Variants in ATN1 observed in about 807,000 individuals in gnomAD.
ATN1 encodes atrophin-1.
Under a neutral mutation model 85.8 loss-of-function variants are expected in ATN1, and 19 were observed. The observed-to-expected ratio is 0.22, with a 90% CI of 0.15 to 0.32. ATN1 has a LOEUF of 0.32. ATN1 is among the 10% of genes least tolerant of loss of function. ATN1 has a pLI of 1.00. For missense variants in ATN1, 1,453 were observed against 1,564.5 expected (o/e 0.93, Z 1.20); for synonymous variants, 674 against 657.0 (o/e 1.03, Z -0.39).
chr12:6,927,526 C>A (rs888813044), upstream of ATN1, among the ~76,000 whole-genome samples: 1 of 151,988 alleles, frequency 6.6e-6, no homozygotes, highest in African/African-American at 2.4e-5. Context: ...GCCCCTCCTA[C>A]CTAGCCCTCT....
chr12:6,936,065 G>A lies in ATN1; in HGVS notation c.798G>A (p.Gly266=). The change falls in exon 5 of 10, where the codon GGG becomes GGA. Residue 266 remains glycine, a synonymous_variant. Transcript: ENST00000396684. ...PTTPISVSSS[G]ASGAPPTKPP... ...CTCCCATTTCAGTATCAAGCTCTGGGGCTAGTGGTGCTCCCCCAACAAAGC... is the reference window on the plus strand; with the variant it reads ...CTCCCATTTCAGTATCAAGCTCTGGAGCTAGTGGTGCTCCCCCAACAAAGC... 6.5e-7 allele frequency: 1 copy of A among 1,545,738 alleles called. No individual in the cohort carries two copies. The highest frequency in any genetic ancestry group is 8.7e-7 in the Non-Finnish European group (1 of 1,147,072).
At chr12:6,930,800 C>CAATAAATA (rs138589375) in intron 1 of ATN1, among the ~76,000 whole-genome samples, 52 of 149,458 alleles carry the variant, frequency 3.5e-4, no homozygotes, top group African/African-American at 1.1e-3. Flanking sequence ...GACTCCGTCT[C>CAATAAATA]AATAAATAAA....
rs376313916 is a variant in ATN1, at chr12:6,940,951, G to T, written c.3286G>T (p.Ala1096Ser). The T allele has an allele frequency of 6.8e-6, 11 of 1,614,064 alleles. No homozygotes were observed. In the African/African-American group the frequency reaches 1.3e-4, roughly 20 times the overall value. Residue 1096 changes from alanine to serine, a missense_variant, in exon 8 of 10, where the codon GCT becomes TCT. Physicochemically the swap from Ala to Ser is moderately conservative, Grantham distance 99. Coordinates refer to ENST00000396684, the MANE Select transcript of ATN1 (RefSeq NM_001940.4). The part of the protein sequence containing the change: ...GSHLTRIPYP[A>S]GTLPNPLLPH... ...TCACCTTACCCGGATCCCCTACCCAGCTGGAACTCTCCCTAACCCCCTGCT... is the reference window on the plus strand; with the variant it reads ...TCACCTTACCCGGATCCCCTACCCATCTGGAACTCTCCCTAACCCCCTGCT...
intron 7 of ATN1, among the ~76,000 whole-genome samples, chr12:6,940,063 C>A (rs1034823063): frequency 6.6e-6 from 1 of 152,250 alleles, no homozygotes; most frequent in Non-Finnish European, 1.5e-5. Context: ...CTTACTGCAA[C>A]CTCCGCCTCT....
Position 6,935,444 on chromosome 12 carries a change from A to T in ATN1, c.280-103A>T. The T allele has an allele frequency of 5.3e-6, 7 of 1,319,724 alleles. No individual in the cohort carries two copies. The South Asian group carries it at 9.9e-5, about 19-fold the overall frequency. 81.8% of individuals were successfully genotyped at this position (1,319,724 alleles called of 1,614,324 possible). A position where few individuals can be genotyped will look rare whatever the true frequency, so the allele number is the denominator to read the frequency against. On this transcript the variant is annotated intron_variant, in intron 4 of 9. Coordinates refer to ENST00000396684, the MANE Select transcript of ATN1 (RefSeq NM_001940.4). This position sits in a 1 kb window ranked among gnomAD's most constrained non-coding sequence, Gnocchi z 5.3. ...GCAAGAGTACTCACCACATCACAGTACAACAGTGTGCTGTGAGGGGAAATG... is the reference window on the plus strand; with the variant it reads ...GCAAGAGTACTCACCACATCACAGTTCAACAGTGTGCTGTGAGGGGAAATG...
intron 7 of ATN1, among the ~76,000 whole-genome samples, chr12:6,939,756 G>A (rs1341558098): frequency 6.6e-6 from 1 of 151,984 alleles, no homozygotes; most frequent in Admixed American, 6.6e-5. Context: ...CACCCACCTC[G>A]GCCTCCCAAA....
In ATN1 at chr12:6,928,244, GGCCGCCGCC is replaced by G. The variant is rs1157552748; in HGVS notation, c.-298_-290del. On this transcript the variant is annotated 5_prime_UTR_variant, in exon 1 of 10. Transcript: ENST00000396684. ...GGGGGCCGCCCTCCGGGGGGGTCGG[GGCCGCCGCC>G]GCCGTCGTCGCGGCGGCGACTGAGG... is the stretch of plus-strand genomic sequence containing the variant. The G allele has an allele frequency of 6.8e-6, 1 of 147,990 alleles. No individual in the cohort carries two copies. The highest frequency in any genetic ancestry group is 1.5e-5 in the Non-Finnish European group (1 of 66,074). 9.2% of individuals were successfully genotyped at this position (147,990 alleles called of 1,614,324 possible).
Position 6,934,594 on chromosome 12 carries a change from C to T in ATN1, c.279+16C>T, listed in dbSNP as rs1555143366. 7.9e-6 allele frequency: 12 copies of T among 1,524,212 alleles called. No individual in the cohort carries two copies. Among genetic ancestry groups the T allele is most frequent in the East Asian group, 2.4e-5 (1 of 40,852 alleles). The allele number at this position is 1,524,212 out of a possible 1,614,324, so 94.4% of individuals were successfully genotyped here. On this transcript the variant is annotated intron_variant, in intron 4 of 9. Transcript: ENST00000396684. This position sits in a 1 kb window ranked among gnomAD's most constrained non-coding sequence, Gnocchi z 4.5. Reference sequence around the variant, plus strand: ...CAAAACTGAGGTGGGAAACCCTTGTCGCCATCCTGACCCATCTTGTGACCA... The same window carrying T: ...CAAAACTGAGGTGGGAAACCCTTGTTGCCATCCTGACCCATCTTGTGACCA...
chr12:6,927,888 G>A (rs1555142742), upstream of ATN1, among the ~76,000 whole-genome samples: 1 of 151,576 alleles, frequency 6.6e-6, no homozygotes, highest in African/African-American at 2.4e-5. Context: ...CATTTCGGAG[G>A]GACCGCGGCT....
Position 6,936,728 on chromosome 12 carries a change from A to AGCAGCAGCAG in ATN1, c.1461_1462insGCAGCAGCAG (p.Gln488AlafsTer39). 3.2e-6 allele frequency: 5 copies of AGCAGCAGCAG among 1,583,082 alleles called. No homozygotes were observed. Among genetic ancestry groups the AGCAGCAGCAG allele is most frequent in the South Asian group, 2.2e-5 (2 of 89,942 alleles). ...ATCACCATCACCACCAGCAACAGCAACAGCAGCAGCAGCAGCAGCAGCAGC... is the reference window on the plus strand; with the variant it reads ...ATCACCATCACCACCAGCAACAGCAAGCAGCAGCAGCAGCAGCAGCAGCAGCAGCAGCAGC... On this transcript the variant is annotated frameshift_variant, in exon 5 of 10. Coordinates refer to ENST00000396684, the MANE Select transcript of ATN1 (RefSeq NM_001940.4). LOFTEE classifies it high-confidence loss of function.
At chr12:6,932,649 G>C (rs1320518779) in intron 1 of ATN1, among the ~76,000 whole-genome samples, 3 of 152,206 alleles carry the variant, frequency 2.0e-5, no homozygotes, top group African/African-American at 7.2e-5. Flanking sequence ...TTAAAAACTG[G>C]TACATCTGTG....
At position 6,941,702 on chromosome 12, in the gene ATN1, G is replaced by A; in HGVS notation, c.3540-45G>A. 1 of 1,607,496 alleles carries A rather than the reference G, an allele frequency of 6.2e-7. No homozygotes were observed. The highest frequency in any genetic ancestry group is 1.3e-5 in the African/African-American group (1 of 74,848). On this transcript the variant is annotated intron_variant, in intron 9 of 9. Transcript: ENST00000396684. The surrounding 1 kb of genome is among the most constrained non-coding windows in gnomAD (Gnocchi z 5.9). ...GTAAGAGGGGGCAAGGTCAGAGTTG[G>A]TCTCAAGTCTCTTACCTCTCTGCTA... is the stretch of plus-strand genomic sequence containing the variant.
At position 6,937,779 on chromosome 12, in the gene ATN1, G is replaced by C; in HGVS notation, c.2295-66G>C. ...GGGGCTACAAGCACTCGCCGGGGCC[G>C]CGGCGCTGCGGGCTCCATCGGGCAG... On this transcript the variant is annotated intron_variant, in intron 5 of 9. Transcript: ENST00000396684. The surrounding 1 kb of genome is among the most constrained non-coding windows in gnomAD (Gnocchi z 6.0). 2 of 1,474,886 alleles carry C rather than the reference G, an allele frequency of 1.4e-6. No homozygotes were observed. The highest frequency in any genetic ancestry group is 2.6e-5 in the Admixed American group (1 of 38,692). The allele number at this position is 1,474,886 out of a possible 1,614,324, so 91.4% of individuals were successfully genotyped here. A position where few individuals can be genotyped will look rare whatever the true frequency, so the allele number is the denominator to read the frequency against.
At chr12:6,925,744 G>C (rs1945393146), upstream of ATN1, among the ~76,000 whole-genome samples, 1 of 152,202 alleles carries the variant, frequency 6.6e-6, no homozygotes. Flanking sequence ...CCAAGGAATT[G>C]TGAGACAAAA....
chr12:6,938,072 G>GTGCGTCACTGCC lies in ATN1; in HGVS notation c.2517+10_2517+21dup. The GTGCGTCACTGCC allele has an allele frequency of 1.3e-6, 2 of 1,539,630 alleles. No homozygotes were observed. Among genetic ancestry groups the GTGCGTCACTGCC allele is most frequent in the Non-Finnish European group, 8.7e-7 (1 of 1,143,862 alleles). On this transcript the variant is annotated splice_donor_region_variant and intron_variant, in intron 6 of 9. Transcript: ENST00000396684. The stretch of plus-strand genomic sequence containing the variant: ...CGCGAGCTTGAACGCAGCGTGGTGA[G>GTGCGTCACTGCC]TGCGTCACTGCCTGCGCCACCGCCT...
At chr12:6,927,499 T>G (rs922760525), upstream of ATN1, among the ~76,000 whole-genome samples, 1 of 149,256 alleles carries the variant, frequency 6.7e-6, no homozygotes, top group African/African-American at 2.5e-5. Flanking sequence ...TCCCCTCATC[T>G]GCCCTCACCA....
At chr12:6,930,570 CG>C (rs1945447409) in intron 1 of ATN1, among the ~76,000 whole-genome samples, 1 of 151,936 alleles carries the variant, frequency 6.6e-6, no homozygotes, top group South Asian at 2.1e-4. Flanking sequence ...CTGAGGCGGG[CG>C]GATCACGAGG....
chr12:6,938,218 C>A (rs1226462460), intron 6 of ATN1, 151 bp downstream of exon 6: 3 of 1,417,514 alleles, frequency 2.1e-6, no homozygotes, highest in Non-Finnish European at 2.8e-6. Context: ...CCACTGCAGC[C>A]CAGGAAATGG....
upstream of ATN1, among the ~76,000 whole-genome samples, chr12:6,927,691 C>T (rs1945412349): frequency 1.3e-5 from 2 of 151,770 alleles, no homozygotes; most frequent in Non-Finnish European, 2.9e-5. Context: ...CGCTCCCTCC[C>T]TCGCGTCTCC....
Sources: allele counts gnomAD v4.1 joint callset (sites outside exome capture counted in the v4.1 genomes callset), GRCh38; gene constraint gnomAD v4.1.1; non-coding constraint Gnocchi (gnomAD v3.1); transcripts MANE v1.5; gene names NCBI Gene and HGNC (gene_info 2026-07-23, HGNC 2026-07-21).